The following STXBP5L variants were observed in gnomAD, a reference collection of about 807,000 sequenced individuals.
STXBP5L encodes syntaxin-binding protein 5-like.
Under a neutral mutation model 144.5 loss-of-function variants are expected in STXBP5L, and 65 were observed. That is an observed-to-expected ratio of 0.45 (90% CI 0.37 to 0.55). STXBP5L has a LOEUF of 0.55. Among genes scored for constraint, STXBP5L ranks in the 20% least tolerant of loss-of-function variants. The pLI, the probability that STXBP5L is intolerant of heterozygous loss-of-function variation, is 0.00. For missense variants in STXBP5L, 1,298 were observed against 1,405.5 expected (o/e 0.92, Z 1.22); for synonymous variants, 505 against 469.6 (o/e 1.08, Z -0.97).
intron 5 of STXBP5L, among the ~76,000 whole-genome samples, chr3:121,111,827 A>G (rs73189337): frequency 0.036 from 5,410 of 152,270 alleles, 145 homozygotes; most frequent in Middle Eastern, 0.082. Flanking sequence ...CGGGGGAAAG[A>G]CTAAGTCCAC....
chr3:121,303,015 G>C (rs929792434), intron 19 of STXBP5L, among the ~76,000 whole-genome samples: 4 of 152,136 alleles, frequency 2.6e-5, no homozygotes, highest in African/African-American at 9.7e-5. Context: ...GGCAACAAAA[G>C]CCAAAATTGA....
intron 10 of STXBP5L, among the ~76,000 whole-genome samples, chr3:121,218,911 C>T (rs1055992945): frequency 6.6e-6 from 1 of 152,166 alleles, no homozygotes; most frequent in South Asian, 2.1e-4. Flanking sequence ...ATGGATACAG[C>T]CTGTAATGTC....
At chr3:121,049,660 C>A (rs922703720) in intron 5 of STXBP5L, 1 of 154,104 alleles carries the variant, frequency 6.5e-6, no homozygotes, top group Non-Finnish European at 1.5e-5. Flanking sequence ...TCTTATCCTG[C>A]AAGGTGCTGC....
At chr3:121,329,808 C>T (rs573467047) in intron 20 of STXBP5L, among the ~76,000 whole-genome samples, 7 of 152,106 alleles carry the variant, frequency 4.6e-5, no homozygotes, top group East Asian at 1.9e-4. Context: ...TGCAGTGAGC[C>T]GATATTGCAC....
chr3:121,048,731 G>A (rs1189246730), intron 5 of STXBP5L, among the ~76,000 whole-genome samples: 1 of 150,970 alleles, frequency 6.6e-6, no homozygotes, highest in African/African-American at 2.4e-5. Flanking sequence ...TATTGCCCAG[G>A]CTGGAGTGCA....
intron 22 of STXBP5L, among the ~76,000 whole-genome samples, chr3:121,403,547 C>A (rs1301713083): frequency 1.3e-5 from 2 of 152,044 alleles, no homozygotes; most frequent in Non-Finnish European, 2.9e-5. Context: ...AAAAGAGAAA[C>A]AATGGGTTCT....
chr3:121,406,839 C>T (rs1285064330), intron 22 of STXBP5L, among the ~76,000 whole-genome samples: 1 of 151,866 alleles, frequency 6.6e-6, no homozygotes, highest in Non-Finnish European at 1.5e-5. Context: ...AAAATATGTA[C>T]ATTTTTAAAA....
intron 20 of STXBP5L, among the ~76,000 whole-genome samples, chr3:121,318,829 A>G (rs1012413398): frequency 6.6e-6 from 1 of 152,232 alleles, no homozygotes; most frequent in Admixed American, 6.5e-5. Flanking sequence ...CTTACTAAGT[A>G]TTGAATAAAA....
At chr3:121,403,052 A>G (rs1663758431) in intron 22 of STXBP5L, among the ~76,000 whole-genome samples, 1 of 152,148 alleles carries the variant, frequency 6.6e-6, no homozygotes, top group East Asian at 1.9e-4. Flanking sequence ...TCTGTCTTCA[A>G]TCTCAGCAAT....
intron 19 of STXBP5L, among the ~76,000 whole-genome samples, chr3:121,297,576 A>C: frequency 6.6e-6 from 1 of 152,166 alleles, no homozygotes; most frequent in Admixed American, 6.5e-5. Context: ...CAACATGGTG[A>C]AACCCTGCCT....
chr3:121,339,133 C>A (rs1255246696), intron 20 of STXBP5L, among the ~76,000 whole-genome samples: 1 of 152,054 alleles, frequency 6.6e-6, no homozygotes, highest in Non-Finnish European at 1.5e-5. Context: ...AAATGACAGA[C>A]CAATATTCCT....
chr3:121,049,660 C>T (rs922703720), intron 5 of STXBP5L: 5 of 154,104 alleles, frequency 3.2e-5, no homozygotes, highest in Non-Finnish European at 2.9e-5. Flanking sequence ...TCTTATCCTG[C>T]AAGGTGCTGC....
intron 10 of STXBP5L, among the ~76,000 whole-genome samples, chr3:121,210,406 T>C (rs2048513862): frequency 6.6e-6 from 1 of 151,914 alleles, no homozygotes; most frequent in Non-Finnish European, 1.5e-5. Context: ...TGGTCGTTTC[T>C]TTTGCTGTGC....
intron 3 of STXBP5L, among the ~76,000 whole-genome samples, chr3:121,018,365 GAATA>G (rs1316002054): frequency 3.3e-5 from 5 of 151,874 alleles, no homozygotes; most frequent in South Asian, 2.1e-4. Flanking sequence ...ACAGGTAAAA[GAATA>G]AATAAATAGA....
chr3:121,367,929 G>C (rs954104744), intron 20 of STXBP5L, among the ~76,000 whole-genome samples: 1 of 151,142 alleles, frequency 6.6e-6, no homozygotes, highest in Non-Finnish European at 1.5e-5. Context: ...ACTTTTGAAA[G>C]CTTTGTAACA....
At chr3:121,195,214 G>A (rs2047872203) in intron 9 of STXBP5L, among the ~76,000 whole-genome samples, 1 of 151,942 alleles carries the variant, frequency 6.6e-6, no homozygotes, top group Non-Finnish European at 1.5e-5. Flanking sequence ...GTGAGCCACC[G>A]TGCCCGGCCT....
intron 10 of STXBP5L, among the ~76,000 whole-genome samples, chr3:121,218,185 GA>G (rs1271914833): frequency 1.2e-5 from 1 of 84,172 alleles, no homozygotes; most frequent in Non-Finnish European, 2.5e-5. Flanking sequence ...TATATAGTAT[GA>G]TATAGTATAT....
chr3:121,325,867 G>C (rs2044127183), intron 20 of STXBP5L, among the ~76,000 whole-genome samples: 1 of 151,784 alleles, frequency 6.6e-6, no homozygotes. Context: ...TTATGGCTAA[G>C]AAAAGATTCT....
intron 5 of STXBP5L, among the ~76,000 whole-genome samples, chr3:121,055,961 G>A (rs116804680): frequency 0.11 from 16,926 of 151,532 alleles, 1,038 homozygotes; most frequent in Non-Finnish European, 0.14. Flanking sequence ...CCAAAGTGCT[G>A]GGATTAGAGG....
Sources: allele counts gnomAD v4.1 joint callset (sites outside exome capture counted in the v4.1 genomes callset), GRCh38; gene constraint gnomAD v4.1.1; transcripts MANE v1.5; gene names NCBI Gene and HGNC (gene_info 2026-07-23, HGNC 2026-07-21).